The following DCLK2 variants were observed in gnomAD, a reference collection of about 807,000 sequenced individuals.
DCLK2 encodes the protein doublecortin like kinase 2.
In DCLK2, 31 loss-of-function variants were observed where a neutral mutation model predicts 78.4. The ratio of observed to expected loss-of-function variants is 0.40; its 90% CI spans 0.30 to 0.53. The LOEUF is 0.53. Among genes scored for constraint, DCLK2 ranks in the 20% least tolerant of loss-of-function variants. DCLK2 has a pLI of 0.61. For synonymous variants in DCLK2, 407 were observed against 374.9 expected, an observed-to-expected ratio of 1.09 and a Z score of -0.99; for missense variants, 872 against 973.7, an observed-to-expected ratio of 0.90 and a Z score of 1.39.
At chr4:150,208,340 C>G (rs1740003525) in intron 5 of DCLK2, among the ~76,000 whole-genome samples, 1 of 152,016 alleles carries the variant, frequency 6.6e-6, no homozygotes, top group Non-Finnish European at 1.5e-5. Context: ...AGTGTAAAAA[C>G]TGGAAGTAGT....
At chr4:150,197,924 A>T (rs13435901) in intron 3 of DCLK2, 78 bp from the exon 4 acceptor site, 5 of 1,121,756 alleles carry the variant, frequency 4.5e-6, no homozygotes, top group African/African-American at 1.6e-5. Context: ...AGTTCTGGTC[A>T]GTAAACAATT....
rs1222434814 is a variant in DCLK2, at chr4:150,102,588, G to A, written c.532G>A (p.Ala178Thr). The A allele has an allele frequency of 2.5e-6, 4 of 1,614,174 alleles. No individual in the cohort carries two copies. The highest frequency in any genetic ancestry group is 2.5e-6 in the Non-Finnish European group (3 of 1,180,026). The change falls in exon 2 of 16, where the codon GCT becomes ACT. Residue 178 changes from alanine (A) to threonine (T), a missense_variant. Ala to Thr is a moderately conservative substitution (Grantham distance 58). Around this residue, in one of 3 missense-constraint regions of DCLK2, gnomAD observed 567 missense variants for 593.4 expected, o/e 0.96. Transcript: ENST00000296550. Reference protein sequence around the residue: ...NIKGGTSRALAAASSVKSEVK... With the variant: ...NIKGGTSRALTAASSVKSEVK... ...CAAGGGTGGGACATCCCGAGCGCTGGCTGCTGCCTCCTCTGTGAAAAGTGA... is the reference window on the plus strand; with the variant it reads ...CAAGGGTGGGACATCCCGAGCGCTGACTGCTGCCTCCTCTGTGAAAAGTGA...
chr4:150,229,451 A>G (rs1473794362), intron 8 of DCLK2, among the ~76,000 whole-genome samples: 1 of 152,192 alleles, frequency 6.6e-6, no homozygotes, highest in African/African-American at 2.4e-5. Flanking sequence ...ATGGGCAGAC[A>G]TTGGTGATTG....
At chr4:150,140,223 C>T (rs1734020423) in intron 2 of DCLK2, among the ~76,000 whole-genome samples, 1 of 152,154 alleles carries the variant, frequency 6.6e-6, no homozygotes, top group African/African-American at 2.4e-5. Context: ...GATTTGTTAG[C>T]TTATCTTCTT....
intron 2 of DCLK2, among the ~76,000 whole-genome samples, chr4:150,188,726 C>G (rs1403653704): frequency 6.6e-6 from 1 of 151,774 alleles, no homozygotes; most frequent in African/African-American, 2.4e-5. Context: ...ATGGTGAAGC[C>G]CCATCTCTAC....
intron 4 of DCLK2, among the ~76,000 whole-genome samples, chr4:150,203,082 C>T (rs1739569270): frequency 6.6e-6 from 1 of 152,154 alleles, no homozygotes; most frequent in South Asian, 2.1e-4. Context: ...GGATCTAAAT[C>T]GAGCTTTCAA....
At chr4:150,198,210 C>A in intron 4 of DCLK2, 107 bp downstream of exon 4, 1 of 913,520 alleles carries the variant, frequency 1.1e-6, no homozygotes, top group Non-Finnish European at 1.6e-6. Context: ...CGTATGCAGC[C>A]AAGTTCCAGA....
At chr4:150,185,680 C>T (rs889790947) in intron 2 of DCLK2, among the ~76,000 whole-genome samples, 8 of 149,406 alleles carry the variant, frequency 5.4e-5, no homozygotes, top group Non-Finnish European at 1.2e-4. Flanking sequence ...CGTCATTGTA[C>T]TCCAGCCTGG....
chr4:150,130,469 A>T (rs560405117), intron 2 of DCLK2, among the ~76,000 whole-genome samples: 1 of 152,198 alleles, frequency 6.6e-6, no homozygotes, highest in East Asian at 1.9e-4. Context: ...ACGAACATGC[A>T]TGCACGTACA....
At chr4:150,224,414 AAAAATT>A (rs979545962) in intron 7 of DCLK2, 81 bp from the exon 8 acceptor site, 3 of 1,335,682 alleles carry the variant, frequency 2.2e-6, no homozygotes, top group Admixed American at 2.4e-5. Context: ...CAAAAAAAAA[AAAAATT>A]AAAGTATAAA....
chr4:150,205,355 A>G (rs1040591359), intron 5 of DCLK2, among the ~76,000 whole-genome samples: 11 of 152,184 alleles, frequency 7.2e-5, no homozygotes, highest in Non-Finnish European at 1.6e-4. Context: ...AGTACCTGAG[A>G]ATAAAAAGAG....
intron 3 of DCLK2, among the ~76,000 whole-genome samples, chr4:150,196,715 G>A (rs1739063918): frequency 2.0e-5 from 3 of 150,930 alleles, no homozygotes; most frequent in African/African-American, 7.3e-5. Context: ...GTTAACAAAT[G>A]TCAAATGCAT....
intron 6 of DCLK2, 136 bp downstream of exon 6, chr4:150,220,914 C>A: frequency 1.6e-6 from 1 of 632,340 alleles, no homozygotes; most frequent in Non-Finnish European, 2.7e-6. Flanking sequence ...GCCCCTTTGG[C>A]CTTAGTAAGA....
chr4:150,151,385 T>C (rs1245786046), intron 2 of DCLK2, among the ~76,000 whole-genome samples: 1 of 152,182 alleles, frequency 6.6e-6, no homozygotes, highest in Admixed American at 6.5e-5. Flanking sequence ...GACAGCCAAT[T>C]AGAACCTCTG....
At chr4:150,144,375 T>C (rs564468549) in intron 2 of DCLK2, among the ~76,000 whole-genome samples, 162 of 152,310 alleles carry the variant, frequency 1.1e-3, no homozygotes, top group African/African-American at 3.7e-3. Context: ...CTTTGTTGAA[T>C]ATCAGTTGTC....
At chr4:150,251,765 C>T (rs2030737998) in intron 15 of DCLK2, among the ~76,000 whole-genome samples, 2 of 141,944 alleles carry the variant, frequency 1.4e-5, no homozygotes, top group Non-Finnish European at 3.1e-5. Context: ...CCCACACACC[C>T]CACACACCCC....
intron 15 of DCLK2, chr4:150,253,364 C>A: frequency 8.6e-7 from 1 of 1,160,858 alleles, no homozygotes; most frequent in Non-Finnish European, 1.2e-6. Flanking sequence ...GTGTTCTCAT[C>A]CCCAGAGCTG....
At chr4:150,190,572 A>G (rs1738379869) in intron 2 of DCLK2, among the ~76,000 whole-genome samples, 1 of 152,294 alleles carries the variant, frequency 6.6e-6, no homozygotes, top group South Asian at 2.1e-4. Context: ...ATGGTTCCGT[A>G]TACATGAAGT....
chr4:150,101,642 A>C (rs1226737657), intron 1 of DCLK2, among the ~76,000 whole-genome samples: 1 of 152,128 alleles, frequency 6.6e-6, no homozygotes, highest in East Asian at 1.9e-4. Context: ...TGGTATCTCA[A>C]CATATAATTT....
Sources: allele counts gnomAD v4.1 joint callset (sites outside exome capture counted in the v4.1 genomes callset), GRCh38; gene constraint gnomAD v4.1.1; regional missense constraint gnomAD v4.1.1; transcripts MANE v1.5; gene names NCBI Gene and HGNC (gene_info 2026-07-23, HGNC 2026-07-21).